The following MAP4K3 variants were observed in gnomAD, a reference collection of about 807,000 sequenced individuals.
The protein encoded by MAP4K3 is MAPK/ERK kinase kinase kinase 3.
A neutral mutation model predicts 143.5 loss-of-function variants in MAP4K3; 94 were observed. That is an observed-to-expected ratio of 0.65 (90% CI 0.55 to 0.78). The LOEUF is 0.78. MAP4K3 is among the 30% of genes least tolerant of loss of function. MAP4K3 has a pLI of 0.00. For missense variants in MAP4K3, 1,077 were observed against 1,068.1 expected (o/e 1.01, Z -0.12); for synonymous variants, 416 against 347.2 (o/e 1.20, Z -2.20).
chr2:39,377,614 G>C (rs926088098), intron 2 of MAP4K3, among the ~76,000 whole-genome samples: 2 of 152,136 alleles, frequency 1.3e-5, no homozygotes, highest in African/African-American at 4.8e-5. Context: ...GAATGTGGAA[G>C]CTAGATCTCC....
intron 3 of MAP4K3, among the ~76,000 whole-genome samples, chr2:39,347,019 A>C (rs1306280058): frequency 6.6e-6 from 1 of 152,070 alleles, no homozygotes; most frequent in Non-Finnish European, 1.5e-5. Flanking sequence ...AGAGTCCCTG[A>C]GACATTTTCA....
At chr2:39,432,238 T>C (rs1201170855) in intron 1 of MAP4K3, among the ~76,000 whole-genome samples, 2 of 152,210 alleles carry the variant, frequency 1.3e-5, no homozygotes, top group Non-Finnish European at 2.9e-5. Context: ...AATGATGCAT[T>C]AGATACGTTT....
intron 8 of MAP4K3, among the ~76,000 whole-genome samples, chr2:39,327,910 T>G (rs1683546790): frequency 6.6e-6 from 1 of 152,206 alleles, no homozygotes; most frequent in African/African-American, 2.4e-5. Flanking sequence ...AACATTACAC[T>G]TAGTACATGT....
At chr2:39,436,814 C>A in intron 1 of MAP4K3, 78 bp downstream of exon 1, 1 of 1,259,352 alleles carries the variant, frequency 7.9e-7, no homozygotes, top group Non-Finnish European at 1.1e-6. Flanking sequence ...CGAGGACAGG[C>A]GGCAAGGGCT....
At chr2:39,336,344 G>C (rs760316974) in intron 6 of MAP4K3, among the ~76,000 whole-genome samples, 1 of 151,734 alleles carries the variant, frequency 6.6e-6, no homozygotes, top group Non-Finnish European at 1.5e-5. Flanking sequence ...ATGGTGGCAG[G>C]TGGCTGTAAT....
chr2:39,318,347 T>G lies in MAP4K3; in HGVS notation c.919-2959A>C, dbSNP rs1175808797. ...ACATGAATCCCCCGTGACATACCAT[T>G]TATCTACAGAACCAACCTGCACATG... On this transcript the variant is annotated intron_variant, in intron 12 of 33. Transcript: ENST00000263881. Among the ~76,000 whole-genome samples, 4 of 152,062 alleles carry G rather than the reference T, an allele frequency of 2.6e-5. No homozygotes were observed. In the East Asian group the frequency reaches 5.8e-4, roughly 22 times the overall value.
chr2:39,394,354 G>A (rs552543741), intron 1 of MAP4K3, among the ~76,000 whole-genome samples: 9 of 152,204 alleles, frequency 5.9e-5, no homozygotes, highest in Non-Finnish European at 1.0e-4. Context: ...AGCCTGAAAT[G>A]AGGACAGCTT....
At chr2:39,399,383 G>A (rs971422852) in intron 1 of MAP4K3, among the ~76,000 whole-genome samples, 8 of 152,178 alleles carry the variant, frequency 5.3e-5, no homozygotes, top group Non-Finnish European at 7.3e-5. Flanking sequence ...AAGGTAGTGC[G>A]CAGCAGCCTT....
chr2:39,394,822 A>C (rs1448208670), intron 1 of MAP4K3, among the ~76,000 whole-genome samples: 1 of 152,174 alleles, frequency 6.6e-6, no homozygotes, highest in East Asian at 1.9e-4. Context: ...ATCTTTGATA[A>C]TAACTAGTTT....
intron 2 of MAP4K3, among the ~76,000 whole-genome samples, chr2:39,364,698 T>C (rs1665869797): frequency 6.6e-6 from 1 of 152,144 alleles, no homozygotes; most frequent in Non-Finnish European, 1.5e-5. Flanking sequence ...TGAAACCCCA[T>C]CTTTACTAAA....
intron 18 of MAP4K3, 33 bp downstream of exon 18, chr2:39,292,740 T>A: frequency 6.3e-7 from 1 of 1,591,184 alleles, no homozygotes. Flanking sequence ...AATGACACCT[T>A]TTCTTTTTAC....
chr2:39,332,144 T>C (rs116182097), intron 7 of MAP4K3, among the ~76,000 whole-genome samples, 155 bp from the exon 8 acceptor site: 2,825 of 152,220 alleles, frequency 0.019, 93 homozygotes, highest in African/African-American at 0.063. Flanking sequence ...TTAACCTTAA[T>C]GGACTCGCAT....
chr2:39,361,162 GTTTC>G (rs998958081), intron 2 of MAP4K3, among the ~76,000 whole-genome samples: 2 of 151,912 alleles, frequency 1.3e-5, no homozygotes, highest in African/African-American at 2.4e-5. Context: ...TTTCTCTTCT[GTTTC>G]TTTCTTTCTC....
chr2:39,278,441 T>C lies in MAP4K3; in HGVS notation c.1760A>G (p.Asn587Ser). The change falls in exon 24 of 34, where the codon AAT becomes AGT. Residue 587 changes from asparagine to serine, a missense_variant. Physicochemically the swap from Asn to Ser is conservative, Grantham distance 46. This residue lies in a region of MAP4K3 where 864 missense variants were observed against 801.2 expected (regional missense o/e 1.08). Coordinates refer to ENST00000263881, the MANE Select transcript of MAP4K3 (RefSeq NM_003618.4). ...FGAEEGIYTL[N>S]LNELHETSME... The stretch of plus-strand genomic sequence containing the variant: ...TGATGTTTCATGAAGTTCATTAAGA[T>C]TGAGGGTATAAATCCCTTCTTCGGC... 1 of 1,600,108 alleles carries C rather than the reference T, an allele frequency of 6.2e-7. No individual in the cohort carries two copies. Among genetic ancestry groups the C allele is most frequent in the Non-Finnish European group, 8.5e-7 (1 of 1,172,460 alleles).
At chr2:39,284,916 G>C (rs1043093001) in intron 21 of MAP4K3, among the ~76,000 whole-genome samples, 1 of 151,516 alleles carries the variant, frequency 6.6e-6, no homozygotes, top group African/African-American at 2.4e-5. Flanking sequence ...TTAGAGATAT[G>C]GTCTTGCTCT....
intron 21 of MAP4K3, among the ~76,000 whole-genome samples, chr2:39,282,820 C>T (rs556164740): frequency 9.2e-5 from 14 of 152,224 alleles, no homozygotes; most frequent in African/African-American, 3.1e-4. Flanking sequence ...GCTTTCCAGA[C>T]ATTTTTGGTA....
intron 15 of MAP4K3, among the ~76,000 whole-genome samples, chr2:39,302,524 G>A (rs998253700): frequency 1.3e-5 from 2 of 152,190 alleles, no homozygotes; most frequent in South Asian, 2.1e-4. Flanking sequence ...ATTATATGTC[G>A]TTGGGGCAGT....
chr2:39,305,526 C>T (rs1247461473), intron 15 of MAP4K3, among the ~76,000 whole-genome samples: 1 of 152,122 alleles, frequency 6.6e-6, no homozygotes, highest in Non-Finnish European at 1.5e-5. Flanking sequence ...ATATAAAAAC[C>T]TCTAGATAAA....
chr2:39,387,438 G>C (rs1307947349), intron 1 of MAP4K3, among the ~76,000 whole-genome samples: 1 of 152,144 alleles, frequency 6.6e-6, no homozygotes, highest in African/African-American at 2.4e-5. Flanking sequence ...TCAGCATACA[G>C]ATCCTATACG....
Sources: gnomAD v4.1 joint callset for allele counts (sites outside exome capture counted in the v4.1 genomes callset) on GRCh38, gnomAD v4.1.1 for gene constraint, gnomAD v4.1.1 regional missense constraint, MANE v1.5 for transcripts, NCBI Gene and HGNC (gene_info 2026-07-23, HGNC 2026-07-21) for gene names.